SORCS2: variants seen among roughly 807,000 people sequenced by gnomAD.
SORCS2 encodes sortilin related VPS10 domain containing receptor 2, also known as VPS10 domain-containing receptor SorCS2.
A neutral mutation model predicts 141.6 loss-of-function variants in SORCS2; 100 were observed. The observed-to-expected ratio is 0.71, with a 90% CI of 0.60 to 0.83. SORCS2 has a LOEUF of 0.83. Among genes scored for constraint, SORCS2 ranks in the 40% least tolerant of loss-of-function variants. The pLI is 0.00. For missense variants in SORCS2, 1,646 were observed against 1,560.2 expected (o/e 1.05, Z -0.93); for synonymous variants, 789 against 676.9 (o/e 1.17, Z -2.57).
chr4:7,542,081 G>A (rs1712720124), intron 3 of SORCS2, among the ~76,000 whole-genome samples: 1 of 152,206 alleles, frequency 6.6e-6, no homozygotes, highest in Non-Finnish European at 1.5e-5. Context: ...GAGAGCTCCA[G>A]AGAGAAGGAG....
intron 18 of SORCS2, among the ~76,000 whole-genome samples, chr4:7,720,842 G>C (rs959270624): frequency 6.6e-6 from 1 of 152,210 alleles, no homozygotes; most frequent in African/African-American, 2.4e-5. Flanking sequence ...ATGAAGTACC[G>C]GTGAGGATGC....
chr4:7,271,235 C>T (rs1192089411), intron 1 of SORCS2, among the ~76,000 whole-genome samples: 1 of 152,194 alleles, frequency 6.6e-6, no homozygotes, highest in Non-Finnish European at 1.5e-5. Flanking sequence ...GTCGCTCCTC[C>T]ACTCTGAGCC....
chr4:7,484,425 A>T (rs1479968114), intron 2 of SORCS2, among the ~76,000 whole-genome samples: 4 of 152,120 alleles, frequency 2.6e-5, no homozygotes, highest in Admixed American at 6.5e-5. Context: ...GCCCAGCCGG[A>T]GCGGCCTGCT....
chr4:7,246,623 C>T (rs1713112618), intron 1 of SORCS2, among the ~76,000 whole-genome samples: 1 of 152,178 alleles, frequency 6.6e-6, no homozygotes, highest in South Asian at 2.1e-4. Flanking sequence ...GGTTTCTGTT[C>T]CCATGTTGCC....
intron 3 of SORCS2, among the ~76,000 whole-genome samples, chr4:7,633,762 A>G (rs1453952945): frequency 6.6e-6 from 1 of 152,184 alleles, no homozygotes; most frequent in East Asian, 1.9e-4. Context: ...GGCATTGTTC[A>G]TTCACTCATT....
intron 1 of SORCS2, among the ~76,000 whole-genome samples, chr4:7,389,390 C>T (rs1412934949): frequency 6.6e-6 from 1 of 152,134 alleles, no homozygotes. Context: ...GTCTGAGACT[C>T]AGGCCGGCCA....
intron 3 of SORCS2, among the ~76,000 whole-genome samples, chr4:7,608,654 G>C (rs1039077955): frequency 3.3e-5 from 5 of 152,342 alleles, no homozygotes; most frequent in African/African-American, 1.2e-4. Flanking sequence ...AGCACCTGGA[G>C]GTGCCCACTG....
At chr4:7,232,468 C>T (rs1002252365) in intron 1 of SORCS2, among the ~76,000 whole-genome samples, 8 of 152,294 alleles carry the variant, frequency 5.3e-5, no homozygotes, top group Middle Eastern at 3.4e-3. Context: ...TCACCCCCCA[C>T]GGCAGCCCAG....
At chr4:7,618,171 G>A (rs1270963290) in intron 3 of SORCS2, among the ~76,000 whole-genome samples, 2 of 152,034 alleles carry the variant, frequency 1.3e-5, no homozygotes, top group Admixed American at 6.6e-5. Context: ...CTCCTCCGCA[G>A]GCTCCTCTCA....
intron 3 of SORCS2, among the ~76,000 whole-genome samples, chr4:7,620,176 C>T (rs902340025): frequency 3.3e-5 from 5 of 152,244 alleles, no homozygotes; most frequent in South Asian, 2.1e-4. Context: ...CAGAATGATA[C>T]GGGATTCTTA....
chr4:7,667,359 C>A, intron 8 of SORCS2, 146 bp downstream of exon 8: 1 of 695,054 alleles, frequency 1.4e-6, no homozygotes, highest in South Asian at 2.0e-5. Flanking sequence ...TCCAGCTGCT[C>A]ACCCCTCACA....
chr4:7,641,838 G>GTGGGTGGGTGGA (rs879734956), intron 4 of SORCS2, among the ~76,000 whole-genome samples: 5,885 of 54,544 alleles, frequency 0.11, 255 homozygotes, highest in Non-Finnish European at 0.19. Flanking sequence ...GGATGGATGG[G>GTGGGTGGGTGGA]TGGATGGGGA....
chr4:7,386,528 G>T (rs535787301), intron 1 of SORCS2, among the ~76,000 whole-genome samples: 4 of 97,660 alleles, frequency 4.1e-5, no homozygotes, highest in African/African-American at 1.8e-4. Flanking sequence ...ATGCACACAT[G>T]CACACACATA....
At chr4:7,541,305 G>T (rs1712634447) in intron 3 of SORCS2, among the ~76,000 whole-genome samples, 1 of 152,218 alleles carries the variant, frequency 6.6e-6, no homozygotes, top group South Asian at 2.1e-4. Flanking sequence ...GTGCCTCGTG[G>T]GACCCCAGGA....
rs192224570 is a variant in SORCS2 at position 7,539,103 on chromosome 4, A to T, written c.648+7474A>T. On this transcript the variant is annotated intron_variant, in intron 3 of 26. Transcript: ENST00000507866. ...ATAGCCGGTGGGCTGCTGAACCAGG[A>T]CGCGCCCCAGGTCTAAGGGCCCCAT... 1.4e-3 allele frequency among the ~76,000 whole-genome samples: 211 copies of T among 152,188 alleles called. 5 individuals are homozygous for T. The East Asian group carries it at 0.037, about 26-fold the overall frequency.
intron 3 of SORCS2, among the ~76,000 whole-genome samples, chr4:7,589,062 C>T (rs191971133): frequency 2.0e-4 from 31 of 152,258 alleles, no homozygotes; most frequent in East Asian, 3.9e-4. Context: ...AGTGAGCTGC[C>T]GGGTGACCCT....
intron 2 of SORCS2, among the ~76,000 whole-genome samples, chr4:7,503,059 T>C (rs2109435164): frequency 6.6e-6 from 1 of 152,356 alleles, no homozygotes; most frequent in Non-Finnish European, 1.5e-5. Context: ...GGTAGCATCC[T>C]GCCTCCGGGA....
intron 4 of SORCS2, among the ~76,000 whole-genome samples, chr4:7,639,639 G>C (rs1430966511): frequency 1.3e-5 from 2 of 151,786 alleles, no homozygotes; most frequent in African/African-American, 2.4e-5. Context: ...GTGTGTGGGA[G>C]TGTGTATATG....
At chr4:7,222,991 C>T (rs1728800270) in intron 1 of SORCS2, among the ~76,000 whole-genome samples, 2 of 152,260 alleles carry the variant, frequency 1.3e-5, no homozygotes, top group Admixed American at 6.5e-5. Context: ...AGGGAGGGCT[C>T]CTCTGCCTGG....
Sources: gnomAD v4.1 joint callset for allele counts (sites outside exome capture counted in the v4.1 genomes callset) on GRCh38, gnomAD v4.1.1 for gene constraint, MANE v1.5 for transcripts, NCBI Gene and HGNC (gene_info 2026-07-23, HGNC 2026-07-21) for gene names.